Variants in ABHD2 observed in about 807,000 individuals in gnomAD.
The protein encoded by ABHD2 is abhydrolase domain containing 2, acylglycerol lipase.
Under a neutral mutation model 48.1 loss-of-function variants are expected in ABHD2, and 20 were observed. The ratio of observed to expected loss-of-function variants is 0.42; its 90% confidence interval spans 0.29 to 0.60. The LOEUF is 0.60. Ranked by LOEUF, ABHD2 falls within the 20% of genes least tolerant of loss-of-function variation. The probability of loss-of-function intolerance (pLI) is 0.24; values close to 1 mark genes in which losing one functional copy is unlikely to be tolerated. For missense variants in ABHD2, 405 were observed against 550.9 expected, an observed-to-expected ratio of 0.74 and a Z score of 2.65; for synonymous variants, 209 against 214.2, an observed-to-expected ratio of 0.98 and a Z score of 0.21.
rs950084971 is a variant in ABHD2 at position 89,175,562 on chromosome 15, C to T, written c.539-250C>T. Among the ~76,000 whole-genome samples the T allele has an allele frequency of 2.6e-5, 4 of 152,174 alleles. No homozygotes were observed. The highest frequency in any genetic ancestry group is 1.9e-4 in the East Asian group (1 of 5,202). Reference sequence around the variant, plus strand: ...GTACATTTGATACATGGTACCTCCACGCTTTGGCACTGCTGAGGCCCTGTT... The same window carrying T: ...GTACATTTGATACATGGTACCTCCATGCTTTGGCACTGCTGAGGCCCTGTT... On this transcript the variant is annotated intron_variant, in intron 5 of 10. Transcript: ENST00000352732. The surrounding 1 kb of genome is among the most constrained non-coding windows in gnomAD (Gnocchi z 5.7).
In ABHD2 at chr15:89,186,647, A is replaced by G. The variant is rs1458896602; in HGVS notation, c.815+1131A>G. On this transcript the variant is annotated intron_variant, in intron 7 of 10. Transcript: ENST00000352732. This position sits in a 1 kb window ranked among gnomAD's most constrained non-coding sequence, Gnocchi z 4.3. Reference sequence around the variant, plus strand: ...CTTCCCCTCTGTAAATCCTACGTCTAGAACCAAACTGGAGAGCGTTGGAGG... The same window carrying G: ...CTTCCCCTCTGTAAATCCTACGTCTGGAACCAAACTGGAGAGCGTTGGAGG... 4.6e-5 allele frequency among the ~76,000 whole-genome samples: 7 copies of G among 152,206 alleles called. No individual in the cohort carries two copies. The highest frequency in any genetic ancestry group is 4.4e-5 in the Non-Finnish European group (3 of 68,044).
At chr15:89,055,473 T>C in the ABHD2 span, among the ~76,000 whole-genome samples, 2 of 151,646 alleles carry the variant, frequency 1.3e-5, no homozygotes, top group African/African-American at 4.8e-5. Flanking sequence ...GCTGGGACTA[T>C]AGGCGAATGC....
At chr15:89,055,749 T>C in the ABHD2 span, among the ~76,000 whole-genome samples, 2 of 152,176 alleles carry the variant, frequency 1.3e-5, no homozygotes, top group African/African-American at 4.8e-5. Flanking sequence ...CTATGAAATA[T>C]TGAACTGCTA....
At chr15:89,103,338 T>TGCA (rs1256606282) in intron 1 of ABHD2, among the ~76,000 whole-genome samples, 12 of 152,234 alleles carry the variant, frequency 7.9e-5, no homozygotes, top group African/African-American at 2.9e-4. Flanking sequence ...TATTTTATTA[T>TGCA]TTTAAGTCAT....
At chr15:89,047,424 A>G in the ABHD2 span, among the ~76,000 whole-genome samples, 1 of 152,164 alleles carries the variant, frequency 6.6e-6, no homozygotes, top group Non-Finnish European at 1.5e-5. Context: ...CAGTTGGTGC[A>G]GAGCTGAGTT....
the ABHD2 span, among the ~76,000 whole-genome samples, chr15:89,071,873 A>T: frequency 5.9e-5 from 9 of 152,304 alleles, no homozygotes; most frequent in East Asian, 1.2e-3. Flanking sequence ...TGGTCATATG[A>T]CTTTTTTGGC....
the ABHD2 span, among the ~76,000 whole-genome samples, chr15:89,065,517 A>G: frequency 3.3e-5 from 5 of 152,120 alleles, no homozygotes; most frequent in South Asian, 1.0e-3. Flanking sequence ...CTTGGGTAAA[A>G]TTAATGCCAA....
rs1350129640 is a variant in ABHD2, at chr15:89,104,957, G to A, written c.-106-8768G>A. Among the ~76,000 whole-genome samples, 3 of 152,212 alleles carry A rather than the reference G, an allele frequency of 2.0e-5. No individual in the cohort carries two copies. The highest frequency in any genetic ancestry group is 7.2e-5 in the African/African-American group (3 of 41,454). On this transcript the variant is annotated intron_variant, in intron 1 of 10. Transcript: ENST00000352732. This position sits in a 1 kb window ranked among gnomAD's most constrained non-coding sequence, Gnocchi z 4.4. ...TGATATTACAGAATTTAATTATGGT[G>A]TAGATTTTTAAAAATATGTTTAGGA...
At chr15:89,107,766 T>A (rs2049809615) in intron 1 of ABHD2, among the ~76,000 whole-genome samples, 3 of 152,094 alleles carry the variant, frequency 2.0e-5, no homozygotes, top group African/African-American at 7.2e-5. Flanking sequence ...AGAGAAATCC[T>A]TTAGGGGTTT....
the ABHD2 span, among the ~76,000 whole-genome samples, chr15:89,044,921 T>G: frequency 4.0e-5 from 6 of 150,934 alleles, no homozygotes; most frequent in Non-Finnish European, 8.9e-5. Context: ...AGATCCCATT[T>G]GTCAATTTTG....
chr15:89,172,474 T>C (rs1387871729), intron 5 of ABHD2, among the ~76,000 whole-genome samples: 1 of 152,244 alleles, frequency 6.6e-6, no homozygotes, highest in African/African-American at 2.4e-5. Flanking sequence ...TAAAGCTGAA[T>C]AATATTGCAT....
chr15:89,141,487 G>T (rs1472147537), intron 3 of ABHD2, among the ~76,000 whole-genome samples: 2 of 152,150 alleles, frequency 1.3e-5, no homozygotes, highest in African/African-American at 4.8e-5. Flanking sequence ...ACAAAAATTA[G>T]CCAGGCATGG....
the ABHD2 span, among the ~76,000 whole-genome samples, chr15:89,062,631 AC>A: frequency 5.3e-5 from 8 of 151,938 alleles, no homozygotes; most frequent in Non-Finnish European, 1.5e-5. Flanking sequence ...CAAGCGATTC[AC>A]CTGCCTCGGC....
rs1232667182 is a variant in ABHD2 at position 89,094,345 on chromosome 15, T to A, written c.-107+5782T>A. On this transcript the variant is annotated intron_variant, in intron 1 of 10. Coordinates refer to ENST00000352732, the MANE Select transcript of ABHD2 (RefSeq NM_152924.5). This position sits in a 1 kb window ranked among gnomAD's most constrained non-coding sequence, Gnocchi z 4.7. ...TTTGTGTACTGTTTACTTAGTCATG[T>A]CAATGAGGGCAATAAAAAACAAAAA... is the stretch of plus-strand genomic sequence containing the variant. 6.6e-6 allele frequency: 1 copy of A among 152,186 alleles called. No homozygotes were observed. The highest frequency in any genetic ancestry group is 6.5e-5 in the Admixed American group (1 of 15,280). 9.4% of individuals were successfully genotyped at this position (152,186 alleles called of 1,614,324 possible).
rs190365409 is a variant in ABHD2, at chr15:89,110,425, C to T, written c.-106-3300C>T. ...TGAACCTGCAGTTAAGGAGGAACAA[C>T]TGTACTTCATTCGCTAAGGCTGGGT... is the stretch of plus-strand genomic sequence containing the variant. On this transcript the variant is annotated intron_variant, in intron 1 of 10. Transcript: ENST00000352732. 1.5e-3 allele frequency among the ~76,000 whole-genome samples: 230 copies of T among 152,248 alleles called. 2 individuals carry two copies. Among genetic ancestry groups the T allele is most frequent in the African/African-American group, 5.3e-3 (222 of 41,552 alleles).
At chr15:89,095,286 T>C (rs1172659431) in intron 1 of ABHD2, among the ~76,000 whole-genome samples, 2 of 152,212 alleles carry the variant, frequency 1.3e-5, no homozygotes, top group Non-Finnish European at 2.9e-5. Flanking sequence ...TTACTCTTTT[T>C]CTGGGAAATC....
At chr15:89,129,318 A>G (rs1274678851) in intron 3 of ABHD2, among the ~76,000 whole-genome samples, 2 of 152,158 alleles carry the variant, frequency 1.3e-5, no homozygotes, top group Non-Finnish European at 1.5e-5. Context: ...AGCAGCCTCC[A>G]GTTCCATGGC....
Position 89,195,467 on chromosome 15 carries a change from C to T in ABHD2, c.*44C>T, listed in dbSNP as rs2150958594. On this transcript the variant is annotated 3_prime_UTR_variant, in exon 11 of 11. Transcript: ENST00000352732. The surrounding 1 kb of genome is among the most constrained non-coding windows in gnomAD (Gnocchi z 5.1). ...CGCTCCAGCAGCCCTCCTCTGGAAG[C>T]TGCGTCCCCTCACCCCCTGTTTCAG... The T allele has an allele frequency of 1.3e-6, 2 of 1,583,746 alleles. No homozygotes were observed. Among genetic ancestry groups the T allele is most frequent in the Non-Finnish European group, 1.7e-6 (2 of 1,165,336 alleles).
At chr15:89,193,909 A>G (rs547160323) in intron 10 of ABHD2, among the ~76,000 whole-genome samples, 8 of 135,048 alleles carry the variant, frequency 5.9e-5, no homozygotes, top group South Asian at 2.5e-4. Flanking sequence ...TGACAGAGTG[A>G]GACTCCGTCT....
Sources: gnomAD v4.1 joint callset for allele counts (sites outside exome capture counted in the v4.1 genomes callset) on GRCh38, gnomAD v4.1.1 for gene constraint, Gnocchi (gnomAD v3.1) non-coding constraint, MANE v1.5 for transcripts, NCBI Gene and HGNC (gene_info 2026-07-23, HGNC 2026-07-21) for gene names.